Variants in SAMM50 observed in about 807,000 individuals in gnomAD.
The protein encoded by SAMM50 is SAMM50 sorting and assembly machinery component.
A neutral mutation model predicts 66.9 loss-of-function variants in SAMM50; 47 were observed. That is an observed-to-expected ratio of 0.70 (90% CI 0.56 to 0.90). SAMM50 has a LOEUF of 0.90. Among genes scored for constraint, SAMM50 ranks in the 40% least tolerant of loss-of-function variants. The probability of loss-of-function intolerance (pLI) is 0.00; values close to 1 mark genes in which losing one functional copy is unlikely to be tolerated. For missense variants in SAMM50, 535 were observed against 595.3 expected (o/e 0.90, Z 1.05); for synonymous variants, 191 against 214.1 (o/e 0.89, Z 0.94).
chr22:43,961,094 T>G (rs1339018445), intron 1 of SAMM50, among the ~76,000 whole-genome samples: 1 of 152,214 alleles, frequency 6.6e-6, no homozygotes. Flanking sequence ...AATATGATAC[T>G]GGCAGGTCAG....
chr22:43,968,831 G>T lies in SAMM50; in HGVS notation c.322+13G>T. ...GACACATGTCAAGGTACATATTGTG[G>T]TGTAGTATCTTTATAATTCCCTTTC... On this transcript the variant is annotated intron_variant, in intron 4 of 14. Transcript: ENST00000350028. The T allele has an allele frequency of 6.4e-7, 1 of 1,573,670 alleles. No individual in the cohort carries two copies. Among genetic ancestry groups the T allele is most frequent in the Middle Eastern group, 1.7e-4 (1 of 5,998 alleles).
intron 10 of SAMM50, among the ~76,000 whole-genome samples, 186 bp downstream of exon 10, chr22:43,978,144 T>C (rs892119716): frequency 6.6e-6 from 1 of 152,060 alleles, no homozygotes; most frequent in Non-Finnish European, 1.5e-5. Context: ...ATATTTTCTT[T>C]TAAAAGTAAC....
intron 13 of SAMM50, among the ~76,000 whole-genome samples, chr22:43,989,538 A>G (rs770945362): frequency 4.6e-5 from 7 of 151,990 alleles, no homozygotes; most frequent in Non-Finnish European, 8.8e-5. Context: ...AGATTTCACC[A>G]TGTTGGCCAG....
In SAMM50 at chr22:43,993,914, G is replaced by A. The variant is rs148439683; in HGVS notation, c.1365-2424G>A. Among the ~76,000 whole-genome samples the A allele has an allele frequency of 4.7e-4, 72 of 152,290 alleles. No homozygotes were observed. The East Asian group carries it at 6.7e-3, about 14-fold the overall frequency. On this transcript the variant is annotated intron_variant, in intron 14 of 14. Coordinates refer to ENST00000350028, the MANE Select transcript of SAMM50 (RefSeq NM_015380.5). ...TGAGATGTTTGCTTACTGTTATGTC[G>A]CAAGTGATTTGTGGCACCACTGTCT...
rs2273031 is a variant in SAMM50 at position 43,968,914 on chromosome 22, T to A, written c.322+96T>A. 5.1e-6 allele frequency: 4 copies of A among 781,650 alleles called. No homozygotes were observed. In the Admixed American group the frequency reaches 5.6e-5, roughly 11 times the overall value. 48.4% of individuals were successfully genotyped at this position (781,650 alleles called of 1,614,324 possible). A position where few individuals can be genotyped will look rare whatever the true frequency, so the allele number is the denominator to read the frequency against. ...GATGCAGATCTGGGCAGCAGAGCAC[T>A]GCTCCCTGCTGTGTAGAACCTGAAA... is the stretch of plus-strand genomic sequence containing the variant. On this transcript the variant is annotated intron_variant, in intron 4 of 14. Coordinates refer to ENST00000350028, the MANE Select transcript of SAMM50 (RefSeq NM_015380.5).
At position 43,976,056 on chromosome 22, in the gene SAMM50, TTCCCATATGGAAGA is replaced by T; in HGVS notation, c.651_664del (p.Pro218GlnfsTer60). The T allele has an allele frequency of 6.2e-7, 1 of 1,608,510 alleles. No homozygotes were observed. ...AGATGTCTGATCTCCATGTTGCAGT[TTCCCATATGGAAGA>T]CCAGCCACACTGTCAAGTGGGAAGG... is the stretch of plus-strand genomic sequence containing the variant. On this transcript the variant is annotated frameshift_variant and splice_region_variant, in exon 8 of 15. Transcript: ENST00000350028. LOFTEE classifies it high-confidence loss of function.
chr22:43,977,919 T>A lies in SAMM50; in HGVS notation c.897T>A (p.Asp299Glu). ...GGGATGTGAGCTTCATCAAAGAAGA[T>A]TTTGAACTTCAGTTGAACAAGCAAC... ...TGGDVSFIKEDFELQLNKQLI... is the reference protein window; with the variant it reads ...TGGDVSFIKEEFELQLNKQLI... The change falls in exon 10 of 15, where the codon GAT becomes GAA. Residue 299 changes from aspartate (D) to glutamate (E), a missense_variant. Transcript: ENST00000350028. 1 of 1,613,366 alleles carries A rather than the reference T, an allele frequency of 6.2e-7. No individual in the cohort carries two copies. The highest frequency in any genetic ancestry group is 1.1e-5 in the South Asian group (1 of 90,866).
At chr22:43,975,934 CA>C in intron 7 of SAMM50, 120 bp from the exon 8 acceptor site, 3 of 1,010,740 alleles carry the variant, frequency 3.0e-6, no homozygotes, top group Non-Finnish European at 4.3e-6. Flanking sequence ...CCCTCTCTCT[CA>C]TCATTAAAAA....
At chr22:43,970,187 T>C (rs1446343742) in intron 4 of SAMM50, among the ~76,000 whole-genome samples, 1 of 152,146 alleles carries the variant, frequency 6.6e-6, no homozygotes, top group African/African-American at 2.4e-5. Context: ...GGTGCTGCGT[T>C]CCCTGAGGTC....
chr22:43,984,448 G>T (rs911650121), intron 12 of SAMM50, among the ~76,000 whole-genome samples: 1 of 151,524 alleles, frequency 6.6e-6, no homozygotes, highest in Non-Finnish European at 1.5e-5. Context: ...AAGTAGCTGG[G>T]ATTACAGGCA....
At chr22:43,984,763 G>A (rs1366998868) in intron 12 of SAMM50, among the ~76,000 whole-genome samples, 4 of 151,884 alleles carry the variant, frequency 2.6e-5, no homozygotes, top group Non-Finnish European at 5.9e-5. Context: ...TGAGTAGCTG[G>A]GATTACAGGC....
intron 14 of SAMM50, among the ~76,000 whole-genome samples, chr22:43,994,964 C>A (rs2050345256): frequency 6.6e-6 from 1 of 152,156 alleles, no homozygotes; most frequent in Non-Finnish European, 1.5e-5. Flanking sequence ...TAGCTCCTAG[C>A]TTATGTTCAG....
intron 8 of SAMM50, among the ~76,000 whole-genome samples, chr22:43,976,436 G>A (rs1189398078): frequency 6.6e-6 from 1 of 152,212 alleles, no homozygotes; most frequent in East Asian, 1.9e-4. Flanking sequence ...AAAAGAAGGA[G>A]GAACCAGGCT....
At chr22:43,966,935 C>T (rs9614300) in intron 3 of SAMM50, among the ~76,000 whole-genome samples, 28,808 of 151,888 alleles carry the variant, frequency 0.19, 2,949 homozygotes, top group East Asian at 0.34. Context: ...AAGAAATGAT[C>T]GCTTTGTAGC....
Position 43,957,132 on chromosome 22 carries a change from C to T in SAMM50, c.21+1534C>T, listed in dbSNP as rs141477850. Reference sequence around the variant, plus strand: ...TCTTAAAATTGAAGGTGTTTATGCCCGAGATGAAACAGAATTCTATTTGGG... The same window carrying T: ...TCTTAAAATTGAAGGTGTTTATGCCTGAGATGAAACAGAATTCTATTTGGG... On this transcript the variant is annotated intron_variant, in intron 1 of 14. Coordinates refer to ENST00000350028, the MANE Select transcript of SAMM50 (RefSeq NM_015380.5). 1.9e-4 allele frequency: 149 copies of T among 788,958 alleles called. 1 individual carries two copies. In the African/African-American group the frequency reaches 2.0e-3, roughly 11 times the overall value. The allele number at this position is 788,958 out of a possible 1,614,324, so 48.9% of individuals were successfully genotyped here. A position where few individuals can be genotyped will look rare whatever the true frequency, so the allele number is the denominator to read the frequency against.
intron 13 of SAMM50, among the ~76,000 whole-genome samples, chr22:43,989,789 G>A (rs2050313403): frequency 6.6e-6 from 1 of 150,896 alleles, no homozygotes; most frequent in Non-Finnish European, 1.5e-5. Context: ...ATGCCCTTAC[G>A]AAGAAAAATC....
chr22:43,964,182 C>T (rs921376895), intron 2 of SAMM50, among the ~76,000 whole-genome samples: 4 of 152,136 alleles, frequency 2.6e-5, no homozygotes, highest in Admixed American at 6.5e-5. Context: ...GTGGCCTGCT[C>T]GGGTTTAGGG....
chr22:43,990,118 C>T (rs905596491), intron 13 of SAMM50, 147 bp from the exon 14 acceptor site: 5 of 838,994 alleles, frequency 6.0e-6, no homozygotes, highest in Admixed American at 2.8e-5. Context: ...GTCCTAATCT[C>T]ACTTCATGCA....
At chr22:43,990,834 A>T (rs1240591442) in intron 14 of SAMM50, among the ~76,000 whole-genome samples, 4 of 152,180 alleles carry the variant, frequency 2.6e-5, no homozygotes, top group African/African-American at 9.7e-5. Context: ...CCCTCTCTCT[A>T]CAGCAGAGGA....
Sources: allele counts gnomAD v4.1 joint callset (sites outside exome capture counted in the v4.1 genomes callset), GRCh38; gene constraint gnomAD v4.1.1; transcripts MANE v1.5; gene names NCBI Gene and HGNC (gene_info 2026-07-23, HGNC 2026-07-21).